Variants in TMEM207 observed in about 807,000 individuals in gnomAD.
TMEM207 encodes SRSR846.
In TMEM207, 15 loss-of-function variants were observed where a neutral mutation model predicts 17.4. The ratio of observed to expected loss-of-function variants is 0.86; its 90% CI spans 0.58 to 1.33. The LOEUF is 1.33. TMEM207 is among the 40% of genes most tolerant of loss of function. The probability of loss-of-function intolerance (pLI) is 0.00; values close to 1 mark genes in which losing one functional copy is unlikely to be tolerated. For synonymous variants in TMEM207, 70 were observed against 65.6 expected, an observed-to-expected ratio of 1.07 and a Z score of -0.33; for missense variants, 205 against 173.8, an observed-to-expected ratio of 1.18 and a Z score of -1.01.
At chr3:190,436,247 G>A (rs190022325) in intron 4 of TMEM207, among the ~76,000 whole-genome samples, 157 of 152,298 alleles carry the variant, frequency 1.0e-3, no homozygotes, top group Non-Finnish European at 2.0e-3. Context: ...ATCAAATCTA[G>A]TCTCTCCATT....
chr3:190,446,613 G>T (rs1720055827), intron 2 of TMEM207, among the ~76,000 whole-genome samples: 1 of 152,204 alleles, frequency 6.6e-6, no homozygotes, highest in African/African-American at 2.4e-5. Context: ...CTAAGTACCA[G>T]TTGAAGCCCT....
intron 3 of TMEM207, 55 bp downstream of exon 3, chr3:190,441,383 C>A: frequency 7.1e-7 from 1 of 1,400,912 alleles, no homozygotes; most frequent in South Asian, 1.2e-5. Flanking sequence ...TTATTTAGGA[C>A]AAAGACTGTA....
rs372594656 is a variant in TMEM207, at chr3:190,447,821, G to T, written c.82C>A (p.Leu28Ile). ...TCTTCTTCGCATGGTAGGTCCGAGA[G>T]CACCAACTGAAACACATGTTTAGAA... ...ILCLPLFQLV[L>I]SDLPCEEDEM... Residue 28 changes from leucine to isoleucine, a missense_variant, in exon 2 of 5, where the codon CTC (leucine) becomes ATC (isoleucine). Coordinates refer to ENST00000354905, the MANE Select transcript of TMEM207 (RefSeq NM_207316.3). 3 of 1,612,164 alleles carry T rather than the reference G, an allele frequency of 1.9e-6. No homozygotes were observed. Among genetic ancestry groups the T allele is most frequent in the African/African-American group, 2.7e-5 (2 of 74,840 alleles).
intron 4 of TMEM207, among the ~76,000 whole-genome samples, chr3:190,434,679 T>G (rs1331867659): frequency 1.3e-5 from 2 of 152,228 alleles, no homozygotes; most frequent in East Asian, 3.8e-4. Flanking sequence ...ATACTAGAAT[T>G]ATTCATCTTT....
At chr3:190,437,150 T>C (rs908410767) in intron 4 of TMEM207, among the ~76,000 whole-genome samples, 2 of 152,126 alleles carry the variant, frequency 1.3e-5, no homozygotes, top group African/African-American at 4.8e-5. Flanking sequence ...CCAGTGGAAT[T>C]GGGGTGAAAG....
chr3:190,436,788 A>G (rs527414654), intron 4 of TMEM207, among the ~76,000 whole-genome samples: 1 of 152,336 alleles, frequency 6.6e-6, no homozygotes, highest in Non-Finnish European at 1.5e-5. Context: ...TTACTAGGTA[A>G]GAAGTCACTA....
At chr3:190,433,922 G>T (rs1348285527) in intron 4 of TMEM207, among the ~76,000 whole-genome samples, 2 of 151,956 alleles carry the variant, frequency 1.3e-5, no homozygotes, top group Admixed American at 6.6e-5. Context: ...AACACCACCC[G>T]CCTCCCACTC....
chr3:190,438,625 T>C (rs1431697850), intron 4 of TMEM207, among the ~76,000 whole-genome samples: 1 of 152,234 alleles, frequency 6.6e-6, no homozygotes, highest in African/African-American at 2.4e-5. Context: ...GGAAAAGGTC[T>C]TTCTTGAAGT....
chr3:190,438,887 C>T (rs1366673944), intron 4 of TMEM207, among the ~76,000 whole-genome samples: 1 of 150,734 alleles, frequency 6.6e-6, no homozygotes, highest in Non-Finnish European at 1.5e-5. Flanking sequence ...TTTAATTATC[C>T]TTCCTAAAAG....
chr3:190,435,489 G>T (rs983589091), intron 4 of TMEM207, among the ~76,000 whole-genome samples: 1 of 152,060 alleles, frequency 6.6e-6, no homozygotes, highest in African/African-American at 2.4e-5. Context: ...CATGAAATTG[G>T]GTGGGACACA....
At chr3:190,438,257 A>T (rs9845291) in intron 4 of TMEM207, among the ~76,000 whole-genome samples, 25,907 of 151,544 alleles carry the variant, frequency 0.17, 2,653 homozygotes, top group African/African-American at 0.28. Flanking sequence ...AATAATAATT[A>T]AAAAAAAGCA....
At chr3:190,433,386 T>C (rs1007659201) in intron 4 of TMEM207, among the ~76,000 whole-genome samples, 2 of 152,164 alleles carry the variant, frequency 1.3e-5, no homozygotes, top group Non-Finnish European at 2.9e-5. Context: ...TTGCCTACTT[T>C]TAATATACAA....
chr3:190,441,402 CAACT>C (rs749349219), intron 3 of TMEM207, 32 bp downstream of exon 3: 20 of 1,532,480 alleles, frequency 1.3e-5, no homozygotes, highest in Non-Finnish European at 1.7e-5. Context: ...TATATACCAC[CAACT>C]GTCATATAAA....
intron 4 of TMEM207, among the ~76,000 whole-genome samples, chr3:190,432,769 C>A (rs115942128): frequency 1.8e-3 from 277 of 152,242 alleles, no homozygotes; most frequent in Non-Finnish European, 3.0e-3. Flanking sequence ...TGCTGGAATG[C>A]CAGTATTTCT....
In TMEM207 at chr3:190,429,677, G is replaced by C; in HGVS notation, c.359C>G (p.Pro120Arg). The change falls in exon 5 of 5, where the codon CCT becomes CGT. Residue 120 changes from proline to arginine, a missense_variant. By Grantham distance (103) the Pro-to-Arg change is moderately radical. Transcript: ENST00000354905. ...TGGAGCAGGAACAGGATATAGGTCA[G>C]GGGTTTGAGTTTGAAGGTGAATTCC... ...TVGIHLQTQT[P>R]DLYPVPAPCF... The C allele has an allele frequency of 6.2e-7, 1 of 1,612,944 alleles. No homozygotes were observed. Among genetic ancestry groups the C allele is most frequent in the Non-Finnish European group, 8.5e-7 (1 of 1,179,430 alleles).
chr3:190,435,714 A>G (rs181455536), intron 4 of TMEM207, among the ~76,000 whole-genome samples: 2 of 152,220 alleles, frequency 1.3e-5, no homozygotes, highest in African/African-American at 4.8e-5. Context: ...AAGACCAGTT[A>G]TCTAAAGACT....
intron 4 of TMEM207, 89 bp from the exon 5 acceptor site, chr3:190,429,820 G>C (rs1719651781): frequency 7.2e-7 from 1 of 1,386,932 alleles, no homozygotes; most frequent in Non-Finnish European, 9.6e-7. Context: ...GGCATTGCTT[G>C]GATCGCTGAA....
chr3:190,432,479 T>A (rs1050124184), intron 4 of TMEM207, among the ~76,000 whole-genome samples: 18 of 152,208 alleles, frequency 1.2e-4, no homozygotes, highest in African/African-American at 4.1e-4. Context: ...AGAGCATGGC[T>A]CCTGGGAAAT....
In TMEM207 at chr3:190,429,223, A is replaced by G. The variant is rs1719636515; in HGVS notation, c.*372T>C. The G allele has an allele frequency of 6.3e-6, 1 of 158,570 alleles. No individual in the cohort carries two copies. Among genetic ancestry groups the G allele is most frequent in the African/African-American group, 2.4e-5 (1 of 41,518 alleles). 9.8% of individuals were successfully genotyped at this position (158,570 alleles called of 1,614,324 possible). A position where few individuals can be genotyped will look rare whatever the true frequency, so the allele number is the denominator to read the frequency against. On this transcript the variant is annotated 3_prime_UTR_variant, in exon 5 of 5. Transcript: ENST00000354905. ...TGTTAAATTATAATAATTTTTATGG[A>G]CCCCATGCTAGGAAAGAGTTTAAAG...
Sources: allele counts gnomAD v4.1 joint callset (sites outside exome capture counted in the v4.1 genomes callset), GRCh38; gene constraint gnomAD v4.1.1; transcripts MANE v1.5; gene names NCBI Gene and HGNC (gene_info 2026-07-23, HGNC 2026-07-21).